MYH11: variants seen among roughly 807,000 people sequenced by gnomAD.
MYH11 encodes the protein myosin heavy chain 11, also known as myosin-11.
MYH11 carries 80 observed loss-of-function variants against 246.6 expected under a neutral mutation model. The ratio of observed to expected loss-of-function variants is 0.32; its 90% confidence interval spans 0.27 to 0.39. MYH11 has a LOEUF of 0.39. Ranked by LOEUF, MYH11 falls within the 10% of genes least tolerant of loss-of-function variation. The probability of loss-of-function intolerance (pLI) is 1.00; values close to 1 mark genes in which losing one functional copy is unlikely to be tolerated. For missense variants in MYH11, 2,158 were observed against 2,546.8 expected (o/e 0.85, Z 3.29); for synonymous variants, 1,071 against 1,015.5 (o/e 1.05, Z -1.04).
chr16:15,807,294 C>T (rs542414629), intron 3 of MYH11, among the ~76,000 whole-genome samples: 4 of 152,212 alleles, frequency 2.6e-5, no homozygotes, highest in African/African-American at 7.2e-5. Context: ...CACCGAGCTT[C>T]ATGACTTGCT....
At chr16:15,790,898 T>C (rs536303017) in intron 4 of MYH11, 20 of 152,282 alleles carry the variant, frequency 1.3e-4, no homozygotes, top group African/African-American at 4.8e-4. Context: ...TACTCTAATG[T>C]TGCCATCTGG....
intron 6 of MYH11, among the ~76,000 whole-genome samples, chr16:15,780,520 C>T (rs1365817895): frequency 3.6e-5 from 4 of 112,072 alleles, no homozygotes; most frequent in African/African-American, 1.1e-4. Flanking sequence ...CTCACTCTGT[C>T]GCCCAGGTTG....
intron 36 of MYH11, chr16:15,718,728 G>A: frequency 3.8e-6 from 2 of 521,512 alleles, no homozygotes; most frequent in South Asian, 4.4e-5. Flanking sequence ...GGGAATGAAT[G>A]AAAGCAGCCA....
At chr16:15,721,118 C>G in intron 32 of MYH11, 67 bp from the exon 33 acceptor site, 2 of 1,554,132 alleles carry the variant, frequency 1.3e-6, no homozygotes, top group Non-Finnish European at 1.8e-6. Flanking sequence ...AGAAACCCAC[C>G]GTGAGCGGCA....
chr16:15,841,783 A>C (rs1473897591), intron 1 of MYH11, among the ~76,000 whole-genome samples: 1 of 152,210 alleles, frequency 6.6e-6, no homozygotes, highest in Admixed American at 6.5e-5. Flanking sequence ...GCTGGGCTCC[A>C]AAGAACTGAG....
Position 15,714,950 on chromosome 16 carries a change from C to T in MYH11, c.5745G>A (p.Glu1915=). 2 of 1,614,126 alleles carry T rather than the reference C, an allele frequency of 1.2e-6. No individual in the cohort carries two copies. Among genetic ancestry groups the T allele is most frequent in the Middle Eastern group, 1.7e-4 (1 of 6,058 alleles). Reference sequence around the variant, plus strand: ...GTGCGTTCACCTCGCGGCCCATGGCCTCGTTGCTCTCCGTGGCCTCATCCA... The same window carrying T: ...GTGCGTTCACCTCGCGGCCCATGGCTTCGTTGCTCTCCGTGGCCTCATCCA... ...RELDEATESN[E]AMGREVNALK... Residue 1915 remains glutamate, a synonymous_variant, in exon 40 of 41, where the codon GAG becomes GAA. Coordinates refer to ENST00000300036, the MANE Select transcript of MYH11 (RefSeq NM_002474.3).
At position 15,750,329 on chromosome 16, in the gene MYH11, C is replaced by T; in HGVS notation, c.1867G>A (p.Asp623Asn). 1.3e-6 allele frequency: 2 copies of T among 1,598,456 alleles called. No homozygotes were observed. The highest frequency in any genetic ancestry group is 2.3e-5 in the East Asian group (1 of 44,286). Residue 623 changes from aspartate to asparagine, a missense_variant and splice_region_variant, in exon 16 of 41, where the codon GAC becomes AAC. Physicochemically the swap from Asp to Asn is conservative, Grantham distance 23 (BLOSUM62 1). Around this residue, in one of 11 missense-constraint regions of MYH11, gnomAD observed 317 missense variants for 507.7 expected, o/e 0.62. Coordinates refer to ENST00000300036, the MANE Select transcript of MYH11 (RefSeq NM_002474.3). The surrounding 1 kb of genome is among the most constrained non-coding windows in gnomAD (Gnocchi z 4.3). ...ATCTGGTCCAGGCCCACGATGCGGT[C>T]CACTATGGGGCACAGCCAGGGTGGC... ...KFVADLWKDV[D>N]RIVGLDQMAK...
At chr16:15,717,993 A>C in intron 37 of MYH11, 2 of 430,850 alleles carry the variant, frequency 4.6e-6, no homozygotes, top group Non-Finnish European at 8.7e-6. Context: ...CTCACTGGAT[A>C]AGGTCAGAGC....
At chr16:15,728,657 T>C (rs551736822) in intron 27 of MYH11, among the ~76,000 whole-genome samples, 1 of 152,242 alleles carries the variant, frequency 6.6e-6, no homozygotes, top group African/African-American at 2.4e-5. Context: ...CCCAGCACTT[T>C]GGGAGGCCTA....
intron 1 of MYH11, among the ~76,000 whole-genome samples, chr16:15,840,753 T>TA (rs1318404197): frequency 1.3e-5 from 2 of 151,904 alleles, no homozygotes; most frequent in Non-Finnish European, 2.9e-5. Context: ...ACCAAACAAC[T>TA]AAAAAAATCA....
chr16:15,714,879 C>A (rs1176802425), intron 40 of MYH11, 30 bp downstream of exon 40: 1 of 1,611,956 alleles, frequency 6.2e-7, no homozygotes, highest in Non-Finnish European at 8.5e-7. Context: ...GCCTGAGAGA[C>A]GGGGTCCTCC....
chr16:15,815,322 G>A (rs1452830535), intron 3 of MYH11, among the ~76,000 whole-genome samples: 1 of 152,112 alleles, frequency 6.6e-6, no homozygotes, highest in African/African-American at 2.4e-5. Flanking sequence ...AATATCCTCT[G>A]AGAAACAGGA....
intron 28 of MYH11, chr16:15,725,712 C>G: frequency 2.5e-6 from 1 of 398,786 alleles, no homozygotes; most frequent in East Asian, 3.6e-5. Flanking sequence ...CCCTTGGTCC[C>G]TGGCTGTGGA....
chr16:15,736,549 G>T (rs571344046), intron 25 of MYH11, among the ~76,000 whole-genome samples: 1 of 152,320 alleles, frequency 6.6e-6, no homozygotes, highest in South Asian at 2.1e-4. Context: ...AAAGTGCTGA[G>T]ATTACAGGCG....
At chr16:15,840,969 C>T (rs2044035840) in intron 1 of MYH11, among the ~76,000 whole-genome samples, 1 of 152,066 alleles carries the variant, frequency 6.6e-6, no homozygotes, top group South Asian at 2.1e-4. Context: ...TTTGTGTGTA[C>T]ATTTCTAAAA....
intron 28 of MYH11, chr16:15,725,601 G>T: frequency 2.5e-6 from 1 of 406,222 alleles, no homozygotes; most frequent in Non-Finnish European, 4.3e-6. Context: ...CCATTGACAA[G>T]GAGGATATGA....
intron 1 of MYH11, among the ~76,000 whole-genome samples, chr16:15,842,013 A>G (rs1016004029): frequency 6.6e-6 from 1 of 152,202 alleles, no homozygotes; most frequent in Non-Finnish European, 1.5e-5. Context: ...CAGATTTTGC[A>G]AGACAGAATG....
intron 2 of MYH11, among the ~76,000 whole-genome samples, chr16:15,833,930 G>A (rs2043820726): frequency 6.6e-6 from 1 of 152,190 alleles, no homozygotes; most frequent in Admixed American, 6.5e-5. Context: ...AGGAACAAGA[G>A]AAGAGCGGGA....
At chr16:15,756,793 C>CTTTTTT (rs60486632) in intron 13 of MYH11, among the ~76,000 whole-genome samples, 2 of 84,566 alleles carry the variant, frequency 2.4e-5, no homozygotes, top group East Asian at 3.3e-4. Context: ...GTTCATAACT[C>CTTTTTT]TTTTTTTTTT....
Sources: allele counts gnomAD v4.1 joint callset (sites outside exome capture counted in the v4.1 genomes callset), GRCh38; gene constraint gnomAD v4.1.1; regional missense constraint gnomAD v4.1.1; non-coding constraint Gnocchi (gnomAD v3.1); transcripts MANE v1.5; gene names NCBI Gene and HGNC (gene_info 2026-07-23, HGNC 2026-07-21).